The following KLF8 variants were observed in gnomAD, a reference collection of about 807,000 sequenced individuals.
The protein encoded by KLF8 is KLF transcription factor 8.
Under a neutral mutation model 18.2 loss-of-function variants are expected in KLF8, and 10 were observed. The observed-to-expected ratio is 0.55, with a 90% CI of 0.34 to 0.93. The LOEUF (loss-of-function observed/expected upper bound fraction) is 0.93. KLF8 is among the 40% of genes least tolerant of loss of function. KLF8 has a pLI of 0.02. For synonymous variants in KLF8, 109 were observed against 97.3 expected (o/e 1.12, Z -0.71); for missense variants, 264 against 277.9 (o/e 0.95, Z 0.36).
the KLF8 span, among the ~76,000 whole-genome samples, chrX:56,179,709 G>T: frequency 1.8e-5 from 2 of 111,794 alleles, no homozygotes; most frequent in African/African-American, 6.5e-5. Context: ...AAGGGTTGTT[G>T]AATTTTGTCA....
chrX:56,027,331 CT>C, the KLF8 span, among the ~76,000 whole-genome samples: 2 of 111,869 alleles, frequency 1.8e-5, no homozygotes, highest in African/African-American at 6.5e-5. Context: ...GAGGTGGAAA[CT>C]TGCTGGTGTC....
At chrX:55,948,376 A>C in the KLF8 span, among the ~76,000 whole-genome samples, 2 of 112,030 alleles carry the variant, frequency 1.8e-5, no homozygotes, top group African/African-American at 6.5e-5. Context: ...TATTTCTGAA[A>C]CTAGCTACAG....
At chrX:55,938,989 G>T in the KLF8 span, among the ~76,000 whole-genome samples, 1 of 111,510 alleles carries the variant, frequency 9.0e-6, no homozygotes, top group Non-Finnish European at 1.9e-5. Flanking sequence ...GAACAGGGAT[G>T]TCTAGGAAAT....
At chrX:56,187,355 A>G in the KLF8 span, among the ~76,000 whole-genome samples, 5 of 111,971 alleles carry the variant, frequency 4.5e-5, no homozygotes, top group African/African-American at 1.3e-4. Flanking sequence ...GACCAATAAC[A>G]GGCTCTGAAA....
intron 2 of KLF8, among the ~76,000 whole-genome samples, chrX:56,251,487 G>T (rs928435300): frequency 9.1e-6 from 1 of 109,825 alleles, no homozygotes; most frequent in Non-Finnish European, 1.9e-5. Context: ...ATTTGAGACG[G>T]AGTCTCGCTT....
the KLF8 span, among the ~76,000 whole-genome samples, chrX:56,148,036 G>A: frequency 6.3e-5 from 7 of 111,837 alleles, no homozygotes; most frequent in African/African-American, 2.3e-4. Flanking sequence ...TGTACTAAAT[G>A]TCACTCTAAT....
chrX:56,213,380 G>A, the KLF8 span, among the ~76,000 whole-genome samples: 1 of 76,224 alleles, frequency 1.3e-5, no homozygotes, highest in Non-Finnish European at 2.3e-5. Flanking sequence ...GGAGTGCAAT[G>A]GTGTCATCTC....
chrX:55,990,026 A>G, the KLF8 span, among the ~76,000 whole-genome samples: 2 of 111,091 alleles, frequency 1.8e-5, no homozygotes, highest in Non-Finnish European at 3.8e-5. Flanking sequence ...GGTAGTTTGT[A>G]TTTCTGTGGG....
chrX:56,189,850 TCACAC>T, the KLF8 span, among the ~76,000 whole-genome samples: 1 of 73,608 alleles, frequency 1.4e-5, no homozygotes, highest in East Asian at 4.8e-4. Context: ...AAGGGGAACA[TCACAC>T]TCTGGGGACT....
At chrX:56,269,053 C>T (rs2067010770) in intron 3 of KLF8, 1 of 894,939 alleles carries the variant, frequency 1.1e-6, no homozygotes, top group Admixed American at 5.7e-5. Context: ...TCAGCTGACC[C>T]TGTCCTGGTA....
the KLF8 span, among the ~76,000 whole-genome samples, chrX:55,948,457 G>T: frequency 2.7e-5 from 3 of 111,901 alleles, no homozygotes; most frequent in East Asian, 8.4e-4. Context: ...GAATGTCTCA[G>T]ACCTGATTTA....
the KLF8 span, among the ~76,000 whole-genome samples, chrX:56,001,389 C>A: frequency 9.0e-6 from 1 of 111,587 alleles, no homozygotes; most frequent in African/African-American, 3.3e-5. Flanking sequence ...TGATGGAGGA[C>A]GAGGCCCTCT....
the KLF8 span, among the ~76,000 whole-genome samples, chrX:55,962,642 G>T: frequency 1.8e-5 from 2 of 112,465 alleles, no homozygotes; most frequent in Non-Finnish European, 3.8e-5. Context: ...TCTCAGAAAA[G>T]AACATGTAGT....
At chrX:56,176,293 G>A in the KLF8 span, among the ~76,000 whole-genome samples, 1 of 111,670 alleles carries the variant, frequency 9.0e-6, no homozygotes, top group Admixed American at 9.5e-5. Context: ...TTTAGGGCAG[G>A]CCCGGTGGTG....
the KLF8 span, among the ~76,000 whole-genome samples, chrX:56,185,205 A>G: frequency 8.9e-6 from 1 of 112,355 alleles, no homozygotes. Flanking sequence ...GAAAGCCAAG[A>G]CTGGAGAACT....
chrX:56,267,091 C>T, intron 3 of KLF8: 3 of 753,848 alleles, frequency 4.0e-6, no homozygotes, highest in Non-Finnish European at 4.7e-6. Context: ...GCAGTGGTAA[C>T]ATCAAAGGAT....
the KLF8 span, among the ~76,000 whole-genome samples, chrX:55,949,602 C>T: frequency 9.8e-6 from 1 of 102,361 alleles, no homozygotes; most frequent in Non-Finnish European, 2.0e-5. Context: ...AACATCCTGG[C>T]CAACATGGTG....
chrX:56,207,079 C>T, the KLF8 span, among the ~76,000 whole-genome samples: 1 of 112,503 alleles, frequency 8.9e-6, no homozygotes, highest in Non-Finnish European at 1.9e-5. Context: ...GGCTGGGACA[C>T]AATGCATCAA....
the KLF8 span, among the ~76,000 whole-genome samples, chrX:56,196,722 G>C: frequency 1.8e-5 from 2 of 111,685 alleles, no homozygotes; most frequent in Middle Eastern, 9.3e-3. Context: ...TCGAAGACTT[G>C]AACTCAGCTC....
Sources: gnomAD v4.1 joint callset for allele counts (sites outside exome capture counted in the v4.1 genomes callset) on GRCh38, gnomAD v4.1.1 for gene constraint, MANE v1.5 for transcripts, NCBI Gene and HGNC (gene_info 2026-07-23, HGNC 2026-07-21) for gene names.